LRRC8D: variants seen among roughly 807,000 people sequenced by gnomAD.
LRRC8D encodes the protein volume-regulated anion channel subunit LRRC8D.
LRRC8D carries 20 observed loss-of-function variants against 55.8 expected under a neutral mutation model. The observed-to-expected ratio is 0.36, with a 90% CI of 0.25 to 0.52. LRRC8D has a LOEUF of 0.52. LRRC8D is among the 20% of genes least tolerant of loss of function. The pLI is 0.93. For missense variants in LRRC8D, 651 were observed against 1,030.8 expected (o/e 0.63, Z 5.05); for synonymous variants, 352 against 377.0 (o/e 0.93, Z 0.77).
chr1:89,821,040 T>A lies in LRRC8D; in HGVS notation c.-399T>A, dbSNP rs1294735180. 2 of 151,328 alleles carry A rather than the reference T, an allele frequency of 1.3e-5. No individual in the cohort carries two copies. The highest frequency in any genetic ancestry group is 2.4e-5 in the African/African-American group (1 of 40,942). 9.4% of individuals were successfully genotyped at this position (151,328 alleles called of 1,614,324 possible). ...CATGTTACGCTTTGTCTAATTCCCC[T>A]CGTTACAGAGTCATGTGCTGCTGCT... On this transcript the variant is annotated 5_prime_UTR_variant, in exon 1 of 3. Coordinates refer to ENST00000337338, the MANE Select transcript of LRRC8D (RefSeq NM_001134479.2).
chr1:89,925,547 C>T (rs1409907780), intron 2 of LRRC8D, among the ~76,000 whole-genome samples: 1 of 152,130 alleles, frequency 6.6e-6, no homozygotes, highest in Non-Finnish European at 1.5e-5. Context: ...GCCTTAGCAA[C>T]TAGTTTACCC....
intron 2 of LRRC8D, among the ~76,000 whole-genome samples, chr1:89,877,635 C>T (rs1662179825): frequency 6.6e-6 from 1 of 152,150 alleles, no homozygotes; most frequent in Admixed American, 6.5e-5. Context: ...GTGGCTAATG[C>T]AGCCTGTTCC....
At chr1:89,888,670 G>T (rs72716340) in intron 2 of LRRC8D, among the ~76,000 whole-genome samples, 4 of 152,060 alleles carry the variant, frequency 2.6e-5, no homozygotes, top group African/African-American at 9.7e-5. Context: ...ATTCTAGAGC[G>T]GGGGCAGGGA....
chr1:89,912,344 G>T (rs1048005174), intron 2 of LRRC8D, among the ~76,000 whole-genome samples: 1 of 151,998 alleles, frequency 6.6e-6, no homozygotes. Flanking sequence ...TTACAATATT[G>T]AACTTTCCCT....
At chr1:89,920,358 G>C (rs1663379842) in intron 2 of LRRC8D, among the ~76,000 whole-genome samples, 1 of 152,038 alleles carries the variant, frequency 6.6e-6, no homozygotes, top group African/African-American at 2.4e-5. Context: ...GTGTTAAATG[G>C]ATTTATAAAA....
chr1:89,928,334 G>A (rs997819689), intron 2 of LRRC8D, among the ~76,000 whole-genome samples: 2 of 152,168 alleles, frequency 1.3e-5, no homozygotes, highest in Non-Finnish European at 2.9e-5. Context: ...GCCTCCCAAA[G>A]TGCTGGGATT....
At chr1:89,844,458 T>C (rs541441700) in intron 2 of LRRC8D, among the ~76,000 whole-genome samples, 1 of 152,312 alleles carries the variant, frequency 6.6e-6, no homozygotes, top group African/African-American at 2.4e-5. Context: ...AGATGTTTAG[T>C]CTGGTGTCTG....
intron 2 of LRRC8D, among the ~76,000 whole-genome samples, chr1:89,914,363 G>A (rs1363754177): frequency 6.6e-6 from 1 of 152,198 alleles, no homozygotes; most frequent in Non-Finnish European, 1.5e-5. Flanking sequence ...CCTGCAAGCT[G>A]AGGGAGTGGG....
intron 2 of LRRC8D, among the ~76,000 whole-genome samples, chr1:89,915,229 G>A (rs901151590): frequency 6.6e-6 from 1 of 152,140 alleles, no homozygotes; most frequent in South Asian, 2.1e-4. Flanking sequence ...GTAGCGTTTA[G>A]GAATGAATAG....
At chr1:89,875,139 G>T (rs1662116326) in intron 2 of LRRC8D, among the ~76,000 whole-genome samples, 1 of 152,132 alleles carries the variant, frequency 6.6e-6, no homozygotes, top group African/African-American at 2.4e-5. Flanking sequence ...TACAGGTTAA[G>T]TAGCCCGGTA....
intron 2 of LRRC8D, among the ~76,000 whole-genome samples, chr1:89,867,022 A>G (rs923586128): frequency 1.3e-5 from 2 of 152,182 alleles, no homozygotes; most frequent in Non-Finnish European, 2.9e-5. Context: ...TTGAGATATA[A>G]TTCATATACC....
chr1:89,821,500 G>A (rs1660630972), intron 1 of LRRC8D, among the ~76,000 whole-genome samples: 1 of 152,194 alleles, frequency 6.6e-6, no homozygotes, highest in South Asian at 2.1e-4. Flanking sequence ...GCCAGGGCCT[G>A]GGAGATTGTT....
chr1:89,823,607 G>T (rs1443259300), intron 1 of LRRC8D, among the ~76,000 whole-genome samples: 1 of 152,194 alleles, frequency 6.6e-6, no homozygotes, highest in Non-Finnish European at 1.5e-5. Context: ...AGAGATTTCA[G>T]TTATTTTTAA....
chr1:89,933,095 A>G lies in LRRC8D; in HGVS notation c.27A>G (p.Ser9=), dbSNP rs1184923700. The G allele has an allele frequency of 1.2e-6, 2 of 1,608,276 alleles. No homozygotes were observed. The highest frequency in any genetic ancestry group is 2.2e-5 in the South Asian group (2 of 90,974). ...TGTTTACCCTTGCGGAAGTTGCATCACTTAATGACATTCAGCCAACTTACC... is the reference window on the plus strand; with the variant it reads ...TGTTTACCCTTGCGGAAGTTGCATCGCTTAATGACATTCAGCCAACTTACC... MFTLAEVA[S]LNDIQPTYRI... is the part of the protein sequence containing the mutation. The change falls in exon 3 of 3, where the codon TCA becomes TCG. Residue 9 remains serine, a synonymous_variant. Coordinates refer to ENST00000337338, the MANE Select transcript of LRRC8D (RefSeq NM_001134479.2). The surrounding 1 kb of genome is among the most constrained non-coding windows in gnomAD (Gnocchi z 7.0).
At chr1:89,821,477 C>T (rs973522667) in intron 1 of LRRC8D, among the ~76,000 whole-genome samples, 186 bp downstream of exon 1, 2 of 152,148 alleles carry the variant, frequency 1.3e-5, no homozygotes, top group South Asian at 2.1e-4. Flanking sequence ...GGAGTGGGCT[C>T]CCGTTTGCTG....
At chr1:89,860,785 A>AAT (rs35932362) in intron 2 of LRRC8D, among the ~76,000 whole-genome samples, 1,956 of 28,186 alleles carry the variant, frequency 0.069, 126 homozygotes, top group Non-Finnish European at 0.092. Flanking sequence ...AAAAAAAAAA[A>AAT]ATATATATAT....
intron 2 of LRRC8D, among the ~76,000 whole-genome samples, chr1:89,912,507 A>G (rs1473563865): frequency 6.7e-6 from 1 of 149,840 alleles, no homozygotes; most frequent in Non-Finnish European, 1.5e-5. Flanking sequence ...CTCCCAGATG[A>G]CTTCCTTGTT....
intron 2 of LRRC8D, among the ~76,000 whole-genome samples, chr1:89,854,795 A>T (rs778748974): frequency 6.6e-6 from 1 of 152,210 alleles, no homozygotes; most frequent in Non-Finnish European, 1.5e-5. Context: ...CAGCATGAAC[A>T]GCAGGACAGC....
chr1:89,832,096 G>T (rs943571653), intron 1 of LRRC8D, among the ~76,000 whole-genome samples: 1 of 152,180 alleles, frequency 6.6e-6, no homozygotes, highest in African/African-American at 2.4e-5. Flanking sequence ...CCACCATCTG[G>T]GTATCTTGGT....
Sources: allele counts gnomAD v4.1 joint callset (sites outside exome capture counted in the v4.1 genomes callset), GRCh38; gene constraint gnomAD v4.1.1; non-coding constraint Gnocchi (gnomAD v3.1); transcripts MANE v1.5; gene names NCBI Gene and HGNC (gene_info 2026-07-23, HGNC 2026-07-21).